FTO: variants seen among roughly 807,000 people sequenced by gnomAD.
FTO encodes the protein FTO alpha-ketoglutarate dependent dioxygenase.
A neutral mutation model predicts 63.9 loss-of-function variants in FTO; 47 were observed. The ratio of observed to expected loss-of-function variants is 0.74; its 90% CI spans 0.58 to 0.94. The LOEUF (loss-of-function observed/expected upper bound fraction) is 0.94, where lower values mean the gene tolerates loss of function less well. Ranked by LOEUF, FTO falls within the 40% of genes least tolerant of loss-of-function variation. The pLI, the probability that FTO is intolerant of heterozygous loss-of-function variation, is 0.00. For missense variants in FTO, 562 were observed against 618.1 expected, an observed-to-expected ratio of 0.91 and a Z score of 0.96; for synonymous variants, 207 against 224.4, an observed-to-expected ratio of 0.92 and a Z score of 0.69.
chr16:53,879,642 C>T (rs1317213515), intron 5 of FTO, among the ~76,000 whole-genome samples: 1 of 144,490 alleles, frequency 6.9e-6, no homozygotes, highest in African/African-American at 2.6e-5. Context: ...AACATTATTA[C>T]ACCACTATAC....
intron 4 of FTO, among the ~76,000 whole-genome samples, chr16:53,863,987 C>T (rs1359176614): frequency 6.6e-6 from 1 of 152,162 alleles, no homozygotes; most frequent in East Asian, 1.9e-4. Context: ...TTTTTATGTT[C>T]CATTGATTGT....
chr16:53,950,514 G>T (rs1444564265), intron 8 of FTO, among the ~76,000 whole-genome samples: 1 of 152,104 alleles, frequency 6.6e-6, no homozygotes, highest in East Asian at 1.9e-4. Context: ...ATATATTCAT[G>T]CAGCCAGAGG....
intron 8 of FTO, among the ~76,000 whole-genome samples, chr16:53,970,016 G>C (rs974455594): frequency 2.4e-4 from 36 of 152,264 alleles, no homozygotes; most frequent in African/African-American, 8.7e-4. Context: ...ACTCTGGACT[G>C]AGGAGCATGT....
intron 8 of FTO, among the ~76,000 whole-genome samples, chr16:53,988,447 T>C (rs1454703398): frequency 6.6e-6 from 1 of 152,186 alleles, no homozygotes; most frequent in Non-Finnish European, 1.5e-5. Context: ...TTTAAGGGTT[T>C]TTTTAATCTG....
At chr16:53,839,816 TTTA>T (rs202191233) in intron 3 of FTO, among the ~76,000 whole-genome samples, 2,912 of 51,524 alleles carry the variant, frequency 0.057, 111 homozygotes, top group African/African-American at 0.18. Context: ...TATTTATTTA[TTTA>T]TTTTAAGGTG....
chr16:53,758,407 TG>T (rs1175591376), intron 1 of FTO, among the ~76,000 whole-genome samples: 1 of 152,238 alleles, frequency 6.6e-6, no homozygotes, highest in Non-Finnish European at 1.5e-5. Context: ...TGACCTCTGT[TG>T]TTTGGGGAGG....
chr16:54,029,883 A>G (rs2084791048), intron 8 of FTO, among the ~76,000 whole-genome samples: 2 of 152,192 alleles, frequency 1.3e-5, no homozygotes, highest in African/African-American at 2.4e-5. Flanking sequence ...TTCTTCTACT[A>G]AATTAGTCCA....
Position 54,112,844 on chromosome 16 carries a change from C to T in FTO, c.*929C>T, listed in dbSNP as rs1313954979. On this transcript the variant is annotated 3_prime_UTR_variant, in exon 9 of 9. Transcript: ENST00000471389. ...TAGTATAGTTTTTTTCTGTAAGTCCCTCATTCTTATGTAATAACAGGTGGA... is the reference window on the plus strand; with the variant it reads ...TAGTATAGTTTTTTTCTGTAAGTCCTTCATTCTTATGTAATAACAGGTGGA... 6.6e-6 allele frequency: 1 copy of T among 152,114 alleles called. No individual in the cohort carries two copies. The highest frequency in any genetic ancestry group is 1.5e-5 in the Non-Finnish European group (1 of 68,028). 9.4% of individuals were successfully genotyped at this position (152,114 alleles called of 1,614,324 possible).
chr16:53,935,284 C>G (rs184298383), intron 8 of FTO, among the ~76,000 whole-genome samples: 169 of 152,184 alleles, frequency 1.1e-3, no homozygotes, highest in African/African-American at 4.0e-3. Context: ...TGACTTCATG[C>G]AACAGAATTT....
chr16:54,079,042 GAA>G (rs1278310934), intron 8 of FTO, among the ~76,000 whole-genome samples: 1 of 151,934 alleles, frequency 6.6e-6, no homozygotes, highest in East Asian at 1.9e-4. Flanking sequence ...CAATAGTTAA[GAA>G]AATTGTTTTT....
At chr16:53,839,783 A>T (rs959830192) in intron 3 of FTO, among the ~76,000 whole-genome samples, 1 of 53,630 alleles carries the variant, frequency 1.9e-5, no homozygotes, top group Non-Finnish European at 3.0e-5. Context: ...TTTTTTATTT[A>T]TTTATTTATT....
intron 8 of FTO, among the ~76,000 whole-genome samples, chr16:54,073,422 T>A (rs1232769749): frequency 1.3e-5 from 2 of 152,182 alleles, no homozygotes; most frequent in African/African-American, 2.4e-5. Flanking sequence ...AAGTTTATAA[T>A]GGTCTTCATC....
chr16:53,783,607 A>C (rs28665159), intron 1 of FTO, among the ~76,000 whole-genome samples: 630 of 57,478 alleles, frequency 0.011, 2 homozygotes, highest in Middle Eastern at 0.026. Context: ...GACTCCATAA[A>C]AAAAAAAAAA....
chr16:53,967,858 G>A (rs971546217), intron 8 of FTO, among the ~76,000 whole-genome samples: 28 of 152,170 alleles, frequency 1.8e-4, no homozygotes, highest in African/African-American at 5.1e-4. Context: ...CGGTTTTGAC[G>A]GTTGTGCTTG....
chr16:53,973,356 A>G (rs898243818), intron 8 of FTO, among the ~76,000 whole-genome samples: 1 of 152,182 alleles, frequency 6.6e-6, no homozygotes, highest in African/African-American at 2.4e-5. Context: ...AGACTCCCAG[A>G]TAAGTCTCTG....
At chr16:53,727,887 A>C (rs1251016541) in intron 1 of FTO, among the ~76,000 whole-genome samples, 1 of 152,204 alleles carries the variant, frequency 6.6e-6, no homozygotes, top group Non-Finnish European at 1.5e-5. Context: ...CTCAGTAGGC[A>C]TTCCCTGATC....
rs371489995 is a variant in FTO at position 53,825,891 on chromosome 16, C to T, written c.151C>T (p.Leu51Phe). Residue 51 changes from leucine to phenylalanine, a missense_variant, in exon 3 of 9, where the codon CTC (leucine) becomes TTC (phenylalanine). Physicochemically the swap from Leu to Phe is conservative, Grantham distance 22. Transcript: ENST00000471389. Reference protein sequence around the residue: ...QWQLKYPKLILREASSVSEEL... With the variant: ...QWQLKYPKLIFREASSVSEEL... ...GCAGCTGAAATATCCTAAACTAATT[C>T]TCCGAGAAGCCAGCAGTGTATCTGA... 1 of 1,614,038 alleles carries T rather than the reference C, an allele frequency of 6.2e-7. No homozygotes were observed. The highest frequency in any genetic ancestry group is 8.5e-7 in the Non-Finnish European group (1 of 1,180,028).
chr16:53,909,036 TC>T (rs1407959787), intron 7 of FTO, among the ~76,000 whole-genome samples: 1 of 152,178 alleles, frequency 6.6e-6, no homozygotes, highest in East Asian at 1.9e-4. Flanking sequence ...AGCATCCTTC[TC>T]TGAGCATCCC....
chr16:53,999,933 T>C (rs1861356), intron 8 of FTO: 49,277 of 152,120 alleles, frequency 0.32, 8,305 homozygotes, highest in East Asian at 0.54. Context: ...AGAGTCTATA[T>C]GCAGACAGTG....
Sources: gnomAD v4.1 joint callset for allele counts (sites outside exome capture counted in the v4.1 genomes callset) on GRCh38, gnomAD v4.1.1 for gene constraint, MANE v1.5 for transcripts, NCBI Gene and HGNC (gene_info 2026-07-23, HGNC 2026-07-21) for gene names.